The following VLDLR variants were observed in gnomAD, a reference collection of about 807,000 sequenced individuals.
VLDLR encodes the protein very low density lipoprotein receptor.
In VLDLR, 81 loss-of-function variants were observed where a neutral mutation model predicts 112.7. That is an observed-to-expected ratio of 0.72 (90% confidence interval 0.60 to 0.86). VLDLR has a LOEUF of 0.86. VLDLR is among the 40% of genes least tolerant of loss of function. The pLI is 0.00. For synonymous variants in VLDLR, 436 were observed against 384.8 expected, an observed-to-expected ratio of 1.13 and a Z score of -1.56; for missense variants, 1,237 against 1,099.4, an observed-to-expected ratio of 1.13 and a Z score of -1.77.
chr9:2,649,936 T>TTCTA (rs1191047257), intron 14 of VLDLR, among the ~76,000 whole-genome samples: 6 of 152,238 alleles, frequency 3.9e-5, no homozygotes, highest in Admixed American at 1.3e-4. Context: ...ACTTGGCTGG[T>TTCTA]TCTATCTAAA....
chr9:2,650,482 G>T lies in VLDLR; in HGVS notation c.2217G>T (p.Gly739=). ...AATATACCTGTTCCTGTCCCAGTGG[G>T]TACAATGTAGAGGAAAATGGCCGAG... The part of the protein sequence containing the change: ...SPKYTCSCPS[G]YNVEENGRDC... The change falls in exon 15 of 19, where the codon GGG becomes GGT. Residue 739 remains glycine, a synonymous_variant. Coordinates refer to ENST00000382100, the MANE Select transcript of VLDLR (RefSeq NM_003383.5). 1 of 1,613,928 alleles carries T rather than the reference G, an allele frequency of 6.2e-7. No individual in the cohort carries two copies. Among genetic ancestry groups the T allele is most frequent in the South Asian group, 1.1e-5 (1 of 91,066 alleles).
chr9:2,626,673 C>G (rs897509505), intron 1 of VLDLR, among the ~76,000 whole-genome samples: 1 of 152,156 alleles, frequency 6.6e-6, no homozygotes, highest in Non-Finnish European at 1.5e-5. Flanking sequence ...GCTAGAGCAG[C>G]TGATTTTGCC....
At chr9:2,639,775 C>G in intron 2 of VLDLR, 84 bp from the exon 3 acceptor site, 1 of 1,607,624 alleles carries the variant, frequency 6.2e-7, no homozygotes, top group Non-Finnish European at 8.5e-7. Flanking sequence ...GCAAAACATG[C>G]CAAAATGCAG....
At position 2,622,216 on chromosome 9, in the gene VLDLR, C is replaced by T; in HGVS notation, c.27C>T (p.Leu9=). The T allele has an allele frequency of 2.7e-6, 4 of 1,504,774 alleles. No individual in the cohort carries two copies. Among genetic ancestry groups the T allele is most frequent in the Non-Finnish European group, 3.5e-6 (4 of 1,133,614 alleles). The allele number at this position is 1,504,774 out of a possible 1,614,324, so 93.2% of individuals were successfully genotyped here. ...TGGGCACGTCCGCGCTCTGGGCGCT[C>T]TGGCTGCTGCTCGCGCTGTGCTGGG... is the stretch of plus-strand genomic sequence containing the variant. The part of the protein sequence containing the change: MGTSALWA[L]WLLLALCWAP... The change falls in exon 1 of 19, where the codon CTC becomes CTT. Residue 9 remains leucine, a synonymous_variant. Transcript: ENST00000382100.
chr9:2,643,227 A>T lies in VLDLR; in HGVS notation c.516A>T (p.Val172=), dbSNP rs1306680341. The T allele has an allele frequency of 1.2e-6, 2 of 1,614,126 alleles. No homozygotes were observed. The highest frequency in any genetic ancestry group is 1.1e-5 in the South Asian group (1 of 91,078). Residue 172 remains valine, a synonymous_variant, in exon 5 of 19, where the codon GTA becomes GTT. Coordinates refer to ENST00000382100, the MANE Select transcript of VLDLR (RefSeq NM_003383.5). ...GCCGCTGCATCTCCAGGAACTTTGT[A>T]TGCAATGGCCAGGATGACTGCAGCG... ...SSGRCISRNF[V]CNGQDDCSDG...
At chr9:2,623,437 T>C (rs1198677114) in intron 1 of VLDLR, among the ~76,000 whole-genome samples, 6 of 148,812 alleles carry the variant, frequency 4.0e-5, no homozygotes, top group Non-Finnish European at 9.0e-5. Context: ...CGTTCCAGAG[T>C]CCCTGGCTCC....
chr9:2,643,797 A>T lies in VLDLR; in HGVS notation c.944-40A>T, dbSNP rs1398163630. On this transcript the variant is annotated intron_variant, in intron 6 of 18. Coordinates refer to ENST00000382100, the MANE Select transcript of VLDLR (RefSeq NM_003383.5). ...TTAAGCAATGGATTGCTCTGACCAGACCCACTCATGGAATCTCTCTTCTTT... is the reference window on the plus strand; with the variant it reads ...TTAAGCAATGGATTGCTCTGACCAGTCCCACTCATGGAATCTCTCTTCTTT... 5.0e-6 allele frequency: 8 copies of T among 1,614,044 alleles called. No individual in the cohort carries two copies. The African/African-American group carries it at 1.1e-4, about 22-fold the overall frequency.
In VLDLR at chr9:2,651,789, A is replaced by C. The variant is rs567583534; in HGVS notation, c.2336-85A>C. On this transcript the variant is annotated intron_variant, in intron 16 of 18. Coordinates refer to ENST00000382100, the MANE Select transcript of VLDLR (RefSeq NM_003383.5). ...GATACTGAACATCAATATTGGATGC[A>C]AAGGTTTTGGCTCCTTACCTGATGG... The C allele has an allele frequency of 7.2e-5, 105 of 1,463,150 alleles. No homozygotes were observed. The African/African-American group carries it at 1.4e-3, about 20-fold the overall frequency. 90.6% of individuals were successfully genotyped at this position (1,463,150 alleles called of 1,614,324 possible). A position where few individuals can be genotyped will look rare whatever the true frequency, so the allele number is the denominator to read the frequency against.
rs763341260 is a variant in VLDLR at position 2,635,465 on chromosome 9, A to T, written c.95A>T (p.Lys32Ile). Residue 32 changes from lysine to isoleucine, a missense_variant, in exon 2 of 19, where the codon AAA (lysine) becomes ATA (isoleucine). Physicochemically the swap from Lys to Ile is moderately radical, Grantham distance 102 (BLOSUM62 -3). Coordinates refer to ENST00000382100, the MANE Select transcript of VLDLR (RefSeq NM_003383.5). ...CTTCTTATTCTAGGGAGAAAAGCCA[A>T]ATGTGAACCCTCCCAATTCCAGTGC... ...SGATGTGRKA[K>I]CEPSQFQCTN... 1.1e-5 allele frequency: 17 copies of T among 1,613,972 alleles called. No homozygotes were observed. In the Admixed American group the frequency reaches 2.2e-4, roughly 21 times the overall value.
At chr9:2,646,620 C>G in intron 11 of VLDLR, 68 bp downstream of exon 11, 1 of 1,383,830 alleles carries the variant, frequency 7.2e-7, no homozygotes. Context: ...TTTCTCATAC[C>G]TGAATTAGTA....
rs1042398874 is a variant in VLDLR at position 2,639,851 on chromosome 9, G to A, written c.203-8G>A. On this transcript the variant is annotated splice_polypyrimidine_tract_variant and splice_region_variant and intron_variant, in intron 2 of 18. Coordinates refer to ENST00000382100, the MANE Select transcript of VLDLR (RefSeq NM_003383.5). ...TTCAACTTTAACCCTTCAAATAAAC[G>A]TTTGTAGTAAAGAAGACGTGTGCTG... 5.6e-6 allele frequency: 9 copies of A among 1,613,880 alleles called. No individual in the cohort carries two copies. Among genetic ancestry groups the A allele is most frequent in the East Asian group, 2.2e-5 (1 of 44,886 alleles).
chr9:2,643,339 T>C lies in VLDLR; in HGVS notation c.628T>C (p.Trp210Arg). 6.2e-7 allele frequency: 1 copy of C among 1,614,124 alleles called. No individual in the cohort carries two copies. The highest frequency in any genetic ancestry group is 8.5e-7 in the Non-Finnish European group (1 of 1,180,020). ...CACCTCCTCCTGCATCCCCATCAGCTGGGTATGCGACGATGATGCAGACTG... is the reference window on the plus strand; with the variant it reads ...CACCTCCTCCTGCATCCCCATCAGCCGGGTATGCGACGATGATGCAGACTG... ...CSTSSCIPIS[W>R]VCDDDADCSD... The change falls in exon 5 of 19, where the codon TGG becomes CGG. Residue 210 changes from tryptophan to arginine, a missense_variant. Transcript: ENST00000382100.
rs1818637432 is a variant in VLDLR, at chr9:2,657,040, A to C, written c.*3172A>C. The stretch of plus-strand genomic sequence containing the variant: ...GGAAGTCAAGTAGCCCTTCTCAAAA[A>C]TGAGAAGCCAAGCTTTAAATAGCAA... On this transcript the variant is annotated 3_prime_UTR_variant, in exon 19 of 19. Transcript: ENST00000382100. The C allele has an allele frequency of 6.6e-6, 1 of 151,806 alleles. No homozygotes were observed. The highest frequency in any genetic ancestry group is 1.5e-5 in the Non-Finnish European group (1 of 67,946). The allele number at this position is 151,806 out of a possible 1,614,324, so 9.4% of individuals were successfully genotyped here. A position where few individuals can be genotyped will look rare whatever the true frequency, so the allele number is the denominator to read the frequency against.
chr9:2,622,146 A>ACGGCGG lies in VLDLR; in HGVS notation c.-24_-19dup, dbSNP rs71329437. 6.8e-4 allele frequency: 952 copies of ACGGCGG among 1,392,292 alleles called. 1 individual carries two copies. The East Asian group carries it at 7.6e-3, about 11-fold the overall frequency. 86.2% of individuals were successfully genotyped at this position (1,392,292 alleles called of 1,614,324 possible). On this transcript the variant is annotated 5_prime_UTR_variant, in exon 1 of 19. Transcript: ENST00000382100. ...ACTGGTAACTTGTCGTGCGGAGCGA[A>ACGGCGG]CGGCGGCGGCGGCGGCGGCGGCGGC...
chr9:2,633,061 T>C (rs1382324566), intron 1 of VLDLR, among the ~76,000 whole-genome samples: 1 of 146,268 alleles, frequency 6.8e-6, no homozygotes, highest in Admixed American at 6.7e-5. Context: ...AGTGTGTGTG[T>C]GTGTGTGTGT....
At position 2,650,379 on chromosome 9, in the gene VLDLR, G is replaced by T; in HGVS notation, c.2114G>T (p.Trp705Leu). ...TTTTTTTCCTGACTAGGTAAAAATT[G>T]GTGTGAAGAAGACATGGAGAATGGA... ...HELVQPSGKN[W>L]CEEDMENGGC... The change falls in exon 15 of 19, where the codon TGG becomes TTG. Residue 705 changes from tryptophan (W) to leucine (L), a missense_variant. By Grantham distance (61) the Trp-to-Leu change is moderately conservative. Transcript: ENST00000382100. 6.2e-7 allele frequency: 1 copy of T among 1,614,034 alleles called. No individual in the cohort carries two copies. The highest frequency in any genetic ancestry group is 1.1e-5 in the South Asian group (1 of 91,070).
intron 12 of VLDLR, 68 bp downstream of exon 12, chr9:2,647,660 G>T: frequency 7.3e-7 from 1 of 1,379,300 alleles, no homozygotes. Flanking sequence ...TATCTCCATG[G>T]TGAATTCTGG....
At chr9:2,630,221 T>G (rs750122093) in intron 1 of VLDLR, among the ~76,000 whole-genome samples, 18 of 152,154 alleles carry the variant, frequency 1.2e-4, no homozygotes, top group Non-Finnish European at 2.4e-4. Flanking sequence ...CCTTCTCCCC[T>G]TAGGAAAACT....
In VLDLR at chr9:2,652,883, C is replaced by T; in HGVS notation, c.2520C>T (p.Thr840=). The part of the protein sequence containing the change: ...MNFDNPVYLK[T]TEEDLSIDIG... Reference sequence around the variant, plus strand: ...TTGACAATCCTGTGTACTTGAAAACCACTGAAGAGGACCTCTCCATAGACA... The same window carrying T: ...TTGACAATCCTGTGTACTTGAAAACTACTGAAGAGGACCTCTCCATAGACA... The change falls in exon 18 of 19, where the codon ACC becomes ACT. Residue 840 remains threonine, a synonymous_variant. Transcript: ENST00000382100. The T allele has an allele frequency of 6.2e-7, 1 of 1,614,102 alleles. No individual in the cohort carries two copies. The highest frequency in any genetic ancestry group is 8.5e-7 in the Non-Finnish European group (1 of 1,179,996).
Sources: gnomAD v4.1 joint callset for allele counts (sites outside exome capture counted in the v4.1 genomes callset) on GRCh38, gnomAD v4.1.1 for gene constraint, MANE v1.5 for transcripts, NCBI Gene and HGNC (gene_info 2026-07-23, HGNC 2026-07-21) for gene names.